PPP2R2B: variants seen among roughly 807,000 people sequenced by gnomAD.
PPP2R2B encodes serine/threonine-protein phosphatase 2A 55 kDa regulatory subunit B beta isoform.
In PPP2R2B, 5 loss-of-function variants were observed where a neutral mutation model predicts 46.0. The observed-to-expected ratio is 0.11, with a 90% confidence interval of 0.06 to 0.23. The LOEUF is 0.23. PPP2R2B is among the 10% of genes least tolerant of loss of function. PPP2R2B has a pLI of 1.00. For synonymous variants in PPP2R2B, 215 were observed against 206.7 expected, an observed-to-expected ratio of 1.04 and a Z score of -0.34; for missense variants, 367 against 575.0, an observed-to-expected ratio of 0.64 and a Z score of 3.70.
intron 1 of PPP2R2B, among the ~76,000 whole-genome samples, chr5:146,972,081 T>A (rs1467129816): frequency 6.6e-6 from 1 of 152,204 alleles, no homozygotes; most frequent in Non-Finnish European, 1.5e-5. Context: ...TCACCTGGTT[T>A]CTGACAGTCT....
chr5:146,674,420 C>T (rs1438930224), intron 5 of PPP2R2B, among the ~76,000 whole-genome samples: 1 of 152,176 alleles, frequency 6.6e-6, no homozygotes, highest in Non-Finnish European at 1.5e-5. Flanking sequence ...AACACTTCTC[C>T]TGGCAGTAAG....
intron 7 of PPP2R2B, chr5:146,606,821 C>G (rs555892022): frequency 6.6e-6 from 1 of 152,328 alleles, no homozygotes; most frequent in African/African-American, 2.4e-5. Flanking sequence ...CACCCCCACC[C>G]TGGCTGTGAT....
intron 1 of PPP2R2B, among the ~76,000 whole-genome samples, chr5:146,920,655 T>C (rs1192936547): frequency 6.6e-6 from 1 of 152,124 alleles, no homozygotes; most frequent in Admixed American, 6.6e-5. Flanking sequence ...CGTGTGTACA[T>C]GGAAGGAAGA....
chr5:146,725,047 C>T (rs974202228), intron 2 of PPP2R2B, among the ~76,000 whole-genome samples: 8 of 150,064 alleles, frequency 5.3e-5, no homozygotes, highest in African/African-American at 1.0e-4. Context: ...TCTATTAATG[C>T]GATCAATAAT....
At chr5:146,892,878 C>T (rs1163066202) in intron 1 of PPP2R2B, among the ~76,000 whole-genome samples, 2 of 152,138 alleles carry the variant, frequency 1.3e-5, no homozygotes, top group Non-Finnish European at 2.9e-5. Context: ...TATACAATAC[C>T]TAAGTTCTGC....
intron 2 of PPP2R2B, among the ~76,000 whole-genome samples, chr5:146,859,583 A>G (rs949643723): frequency 6.6e-6 from 1 of 152,206 alleles, no homozygotes; most frequent in African/African-American, 2.4e-5. Context: ...TAACAATCCT[A>G]CACATGTACT....
Position 146,877,996 on chromosome 5 carries a change from C to G in PPP2R2B, c.70+6G>C. 6.2e-7 allele frequency: 1 copy of G among 1,609,226 alleles called. No individual in the cohort carries two copies. The highest frequency in any genetic ancestry group is 8.5e-7 in the Non-Finnish European group (1 of 1,176,982). On this transcript the variant is annotated splice_donor_region_variant and intron_variant, in intron 2 of 9. Coordinates refer to ENST00000394411, the MANE Select transcript of PPP2R2B (RefSeq NM_181675.4). ...CAACGGCGGAATGCGGCGGGGCTGG[C>G]GTTACCTTCGGTCGCATAGCTGTGG...
At chr5:146,659,820 A>G (rs1776568596) in intron 5 of PPP2R2B, among the ~76,000 whole-genome samples, 1 of 152,220 alleles carries the variant, frequency 6.6e-6, no homozygotes. Context: ...GGTAGCTATT[A>G]TTAGCATTCT....
At chr5:147,055,696 G>A in exon 1 of PPP2R2B, 2 of 1,612,948 alleles carry the variant, frequency 1.2e-6, no homozygotes, top group Non-Finnish European at 1.7e-6. Flanking sequence ...AAAGGATGGT[G>A]TTCGGAGGTC....
At chr5:146,768,815 G>C (rs916100648) in intron 2 of PPP2R2B, among the ~76,000 whole-genome samples, 4 of 152,022 alleles carry the variant, frequency 2.6e-5, no homozygotes, top group South Asian at 4.2e-4. Flanking sequence ...TAGTGTTTCT[G>C]AGACTTTTTA....
At chr5:146,662,199 C>CA (rs1286333438) in intron 5 of PPP2R2B, among the ~76,000 whole-genome samples, 1 of 152,096 alleles carries the variant, frequency 6.6e-6, no homozygotes, top group African/African-American at 2.4e-5. Flanking sequence ...ATATTAACTT[C>CA]AAGAATCTTA....
At chr5:146,828,353 A>G (rs981313315) in intron 2 of PPP2R2B, among the ~76,000 whole-genome samples, 17 of 151,752 alleles carry the variant, frequency 1.1e-4, no homozygotes, top group African/African-American at 4.1e-4. Context: ...AAACTTCTGT[A>G]TCAATGACCA....
At chr5:146,806,954 G>A (rs1255032155) in intron 2 of PPP2R2B, among the ~76,000 whole-genome samples, 4 of 152,172 alleles carry the variant, frequency 2.6e-5, no homozygotes, top group African/African-American at 9.7e-5. Context: ...GTCTACCCCT[G>A]TGGGTCTCCA....
At chr5:146,892,278 G>A (rs1481039574) in intron 1 of PPP2R2B, among the ~76,000 whole-genome samples, 1 of 152,186 alleles carries the variant, frequency 6.6e-6, no homozygotes, top group African/African-American at 2.4e-5. Flanking sequence ...TTTTCTCATA[G>A]TGGGTTTGCA....
chr5:146,889,738 T>C (rs1419027878), intron 1 of PPP2R2B, among the ~76,000 whole-genome samples: 1 of 152,230 alleles, frequency 6.6e-6, no homozygotes, highest in African/African-American at 2.4e-5. Context: ...TCTAGTGAAT[T>C]ATCAAAACTG....
intron 4 of PPP2R2B, 54 bp downstream of exon 4, chr5:146,697,925 T>A: frequency 6.6e-7 from 1 of 1,512,232 alleles, no homozygotes; most frequent in Non-Finnish European, 9.0e-7. Flanking sequence ...GAGATTGAAG[T>A]ATATAGTTTG....
rs767116451 is a variant in PPP2R2B, at chr5:146,691,111, C to A, written c.447+17G>T. The A allele has an allele frequency of 1.2e-6, 2 of 1,608,862 alleles. No individual in the cohort carries two copies. The highest frequency in any genetic ancestry group is 2.2e-5 in the East Asian group (1 of 44,870). On this transcript the variant is annotated intron_variant, in intron 5 of 9. Transcript: ENST00000394411. ...CTGCCCCTGACTGTGGTGGCCAGGG[C>A]AGCTGTTTGCACTCACCCGCAGGGT... is the stretch of plus-strand genomic sequence containing the variant.
At chr5:146,721,875 T>C (rs1780823978) in intron 2 of PPP2R2B, among the ~76,000 whole-genome samples, 1 of 152,170 alleles carries the variant, frequency 6.6e-6, no homozygotes, top group Non-Finnish European at 1.5e-5. Flanking sequence ...TGGGACCAAG[T>C]AATAAGTAAA....
chr5:147,009,277 T>C (rs1343082637), intron 1 of PPP2R2B, among the ~76,000 whole-genome samples: 4 of 152,198 alleles, frequency 2.6e-5, no homozygotes, highest in African/African-American at 4.8e-5. Context: ...TGCATTTTAA[T>C]GCTGATCCCA....
Sources: gnomAD v4.1 joint callset for allele counts (sites outside exome capture counted in the v4.1 genomes callset) on GRCh38, gnomAD v4.1.1 for gene constraint, MANE v1.5 for transcripts, NCBI Gene and HGNC (gene_info 2026-07-23, HGNC 2026-07-21) for gene names.